The following SGMS1 variants were observed in gnomAD, a reference collection of about 807,000 sequenced individuals.
SGMS1 encodes the protein sphingomyelin synthase 1, also known as phosphatidylcholine:ceramide cholinephosphotransferase 1.
SGMS1 carries 13 observed loss-of-function variants against 46.2 expected under a neutral mutation model. The ratio of observed to expected loss-of-function variants is 0.28; its 90% confidence interval spans 0.18 to 0.45. SGMS1 has a LOEUF of 0.45. Among genes scored for constraint, SGMS1 ranks in the 20% least tolerant of loss-of-function variants. The pLI, the probability that SGMS1 is intolerant of heterozygous loss-of-function variation, is 1.00. For missense variants in SGMS1, 324 were observed against 519.9 expected, an observed-to-expected ratio of 0.62 and a Z score of 3.66; for synonymous variants, 203 against 187.8, an observed-to-expected ratio of 1.08 and a Z score of -0.66.
chr10:50,364,268 A>T (rs981792991), intron 6 of SGMS1, among the ~76,000 whole-genome samples: 55 of 152,328 alleles, frequency 3.6e-4, no homozygotes, highest in African/African-American at 5.0e-4. Context: ...GAGAAAATTT[A>T]AAAAAATTAT....
chr10:50,308,248 T>C, intron 9 of SGMS1, 100 bp from the exon 10 acceptor site: 1 of 1,056,922 alleles, frequency 9.5e-7, no homozygotes, highest in Non-Finnish European at 1.3e-6. Context: ...TTACCTTGAG[T>C]CTTCCCTTCT....
intron 2 of SGMS1, among the ~76,000 whole-genome samples, chr10:50,551,837 T>C (rs1294412851): frequency 6.6e-6 from 1 of 152,102 alleles, no homozygotes; most frequent in East Asian, 1.9e-4. Flanking sequence ...CGATCCATCC[T>C]CCACACAGCT....
rs114348894 is a variant in SGMS1, at chr10:50,478,103, T to G, written c.-497-11171A>C. On this transcript the variant is annotated intron_variant, in intron 3 of 10. Transcript: ENST00000361781. ...AGTGGGTAACAACTGATGGACAGCC[T>G]TGAATTCCAACTGCATAGATGTATG... is the stretch of plus-strand genomic sequence containing the variant. 8.6e-3 allele frequency among the ~76,000 whole-genome samples: 1,312 copies of G among 152,312 alleles called. 17 individuals carry two copies. Among genetic ancestry groups the G allele is most frequent in the African/African-American group, 0.03 (1,249 of 41,562 alleles).
chr10:50,333,888 C>T (rs1847669115), intron 7 of SGMS1, among the ~76,000 whole-genome samples: 1 of 152,198 alleles, frequency 6.6e-6, no homozygotes, highest in African/African-American at 2.4e-5. Flanking sequence ...TAAAATCCAA[C>T]TCAAACAAAA....
At chr10:50,354,936 G>A (rs1313267089) in intron 6 of SGMS1, among the ~76,000 whole-genome samples, 1 of 152,154 alleles carries the variant, frequency 6.6e-6, no homozygotes, top group Non-Finnish European at 1.5e-5. Context: ...AAAAAGTCAG[G>A]AAACAACAGG....
chr10:50,592,583 G>C (rs186348815), intron 1 of SGMS1, among the ~76,000 whole-genome samples: 1 of 152,172 alleles, frequency 6.6e-6, no homozygotes, highest in East Asian at 1.9e-4. Flanking sequence ...TGAAGTCCAG[G>C]CACGTATCAT....
chr10:50,624,084 G>A, upstream of SGMS1: 1 of 985,158 alleles, frequency 1.0e-6, no homozygotes, highest in Non-Finnish European at 1.2e-6. Context: ...GGCTCCTCCC[G>A]GGACCGAGCG....
At chr10:50,556,385 TG>T (rs1485058494) in intron 2 of SGMS1, among the ~76,000 whole-genome samples, 1 of 152,050 alleles carries the variant, frequency 6.6e-6, no homozygotes, top group Non-Finnish European at 1.5e-5. Flanking sequence ...AGAGAGTGCT[TG>T]GGGGCTGGGT....
intron 3 of SGMS1, among the ~76,000 whole-genome samples, chr10:50,495,618 T>C (rs1032548072): frequency 6.6e-6 from 1 of 152,224 alleles, no homozygotes; most frequent in Non-Finnish European, 1.5e-5. Flanking sequence ...AAGGATATAC[T>C]TCTCAATATT....
At chr10:50,340,474 G>C (rs1348513788) in intron 7 of SGMS1, 2 of 152,142 alleles carry the variant, frequency 1.3e-5, no homozygotes, top group Non-Finnish European at 2.9e-5. Flanking sequence ...TCTAAATGGG[G>C]AGACAACATT....
intron 2 of SGMS1, among the ~76,000 whole-genome samples, chr10:50,534,887 C>G (rs1837986105): frequency 6.6e-6 from 1 of 152,168 alleles, no homozygotes; most frequent in Admixed American, 6.5e-5. Flanking sequence ...CAGTTTCCAG[C>G]TTATGGCATC....
chr10:50,480,559 C>T (rs1193798547), intron 3 of SGMS1, among the ~76,000 whole-genome samples: 3 of 152,262 alleles, frequency 2.0e-5, no homozygotes, highest in Non-Finnish European at 2.9e-5. Context: ...CCAACCCCAG[C>T]CAGGGGAGGC....
At chr10:50,312,738 C>T (rs561577146) in intron 8 of SGMS1, among the ~76,000 whole-genome samples, 65 of 152,162 alleles carry the variant, frequency 4.3e-4, no homozygotes, top group Non-Finnish European at 6.8e-4. Context: ...AAATATTTAC[C>T]GCTTATATAC....
At chr10:50,320,893 A>G (rs1847430287) in intron 8 of SGMS1, among the ~76,000 whole-genome samples, 1 of 152,218 alleles carries the variant, frequency 6.6e-6, no homozygotes, top group African/African-American at 2.4e-5. Flanking sequence ...ATGGCTCTGC[A>G]AATCTACTAC....
At chr10:50,352,661 A>G (rs1270642984) in intron 6 of SGMS1, among the ~76,000 whole-genome samples, 1 of 152,184 alleles carries the variant, frequency 6.6e-6, no homozygotes, top group Non-Finnish European at 1.5e-5. Context: ...GGGCTAGACC[A>G]AGACCCAAAA....
At chr10:50,619,464 T>A (rs111595457) in intron 1 of SGMS1, among the ~76,000 whole-genome samples, 48 of 152,190 alleles carry the variant, frequency 3.2e-4, no homozygotes, top group Admixed American at 2.5e-3. Flanking sequence ...TAACTCAACA[T>A]CTTTAACAAA....
intron 2 of SGMS1, among the ~76,000 whole-genome samples, chr10:50,532,198 G>A (rs1837960456): frequency 6.6e-6 from 1 of 150,614 alleles, no homozygotes; most frequent in Non-Finnish European, 1.5e-5. Context: ...TCCTTGGCAT[G>A]TCTCCACGGT....
At chr10:50,406,435 C>T (rs1464132970) in intron 6 of SGMS1, among the ~76,000 whole-genome samples, 1 of 152,144 alleles carries the variant, frequency 6.6e-6, no homozygotes, top group Non-Finnish European at 1.5e-5. Flanking sequence ...GGATTTTCAG[C>T]AAGTTCTGGA....
intron 3 of SGMS1, among the ~76,000 whole-genome samples, chr10:50,519,400 A>G (rs1223197406): frequency 6.6e-6 from 1 of 152,236 alleles, no homozygotes; most frequent in African/African-American, 2.4e-5. Flanking sequence ...GTGATCTTCC[A>G]GGACGAAAGC....
Sources: allele counts gnomAD v4.1 joint callset (sites outside exome capture counted in the v4.1 genomes callset), GRCh38; gene constraint gnomAD v4.1.1; transcripts MANE v1.5; gene names NCBI Gene and HGNC (gene_info 2026-07-23, HGNC 2026-07-21).